The following LCMT1 variants were observed in gnomAD, a reference collection of about 807,000 sequenced individuals.
The protein encoded by LCMT1 is [Phosphatase 2A protein]-leucine-carboxy methyltransferase 1.
A neutral mutation model predicts 47.7 loss-of-function variants in LCMT1; 32 were observed. The ratio of observed to expected loss-of-function variants is 0.67; its 90% CI spans 0.51 to 0.90. LCMT1 has a LOEUF of 0.90. Among genes scored for constraint, LCMT1 ranks in the 40% least tolerant of loss-of-function variants. The pLI, the probability that LCMT1 is intolerant of heterozygous loss-of-function variation, is 0.00. For missense variants in LCMT1, 375 were observed against 415.2 expected, an observed-to-expected ratio of 0.90 and a Z score of 0.84; for synonymous variants, 152 against 149.7, an observed-to-expected ratio of 1.02 and a Z score of -0.11.
intron 7 of LCMT1, among the ~76,000 whole-genome samples, chr16:25,166,344 T>G (rs1298519577): frequency 6.6e-6 from 1 of 152,056 alleles, no homozygotes; most frequent in Non-Finnish European, 1.5e-5. Flanking sequence ...TGATGGTCAG[T>G]GGCTTATCAC....
chr16:25,120,457 C>T (rs1431757319), intron 1 of LCMT1, among the ~76,000 whole-genome samples: 2 of 148,516 alleles, frequency 1.3e-5, no homozygotes, highest in Non-Finnish European at 3.0e-5. Context: ...CAGAGTCTCG[C>T]TCTGTCACCC....
rs13338115 is a variant in LCMT1, at chr16:25,158,309, G to A, written c.467-2793G>A. On this transcript the variant is annotated intron_variant, in intron 5 of 10. Transcript: ENST00000399069. ...TGGCATTACAGGTGTGCACCACCAC[G>A]CCTGGCTAATTTTGTATTTTTAGTA... Among the ~76,000 whole-genome samples, 1,192 of 152,294 alleles carry A rather than the reference G, an allele frequency of 7.8e-3. 24 individuals are homozygous for A. The highest frequency in any genetic ancestry group is 0.027 in the African/African-American group (1,105 of 41,562).
intron 6 of LCMT1, among the ~76,000 whole-genome samples, chr16:25,164,009 C>T (rs1308665109): frequency 6.6e-6 from 1 of 152,088 alleles, no homozygotes; most frequent in Non-Finnish European, 1.5e-5. Flanking sequence ...GTCAGGTGGA[C>T]AGTGGGCAGG....
At chr16:25,120,825 G>T (rs1294223479) in intron 1 of LCMT1, among the ~76,000 whole-genome samples, 1 of 142,234 alleles carries the variant, frequency 7.0e-6, no homozygotes, top group African/African-American at 2.6e-5. Context: ...ACAGCTTACT[G>T]CAGCGTTTAC....
chr16:25,173,321 C>T (rs1012943944), intron 9 of LCMT1, among the ~76,000 whole-genome samples: 40 of 151,430 alleles, frequency 2.6e-4, no homozygotes, highest in Admixed American at 1.6e-3. Context: ...AATAACCATC[C>T]TGGAGCCTTC....
At chr16:25,144,136 CAGG>C (rs1960779177) in intron 4 of LCMT1, 1 of 152,272 alleles carries the variant, frequency 6.6e-6, no homozygotes, top group Non-Finnish European at 1.5e-5. Flanking sequence ...GTGCCGCTTC[CAGG>C]AGAAGTTGGA....
intron 7 of LCMT1, among the ~76,000 whole-genome samples, chr16:25,167,381 C>T (rs1023523896): frequency 5.9e-5 from 9 of 151,320 alleles, no homozygotes; most frequent in African/African-American, 1.7e-4. Flanking sequence ...ACAGTGGTGC[C>T]GTCATAGCTC....
chr16:25,134,412 T>C (rs897003631), intron 3 of LCMT1, among the ~76,000 whole-genome samples: 2 of 152,194 alleles, frequency 1.3e-5, no homozygotes, highest in East Asian at 1.9e-4. Context: ...TTTACACAGA[T>C]GAGGGAAATG....
intron 9 of LCMT1, among the ~76,000 whole-genome samples, chr16:25,174,131 C>T (rs926598805): frequency 4.6e-5 from 7 of 152,082 alleles, no homozygotes; most frequent in Admixed American, 2.0e-4. Context: ...AGGCTGGTCT[C>T]GAACTCCTGA....
chr16:25,163,054 G>C (rs895778687), intron 6 of LCMT1, among the ~76,000 whole-genome samples: 1 of 152,146 alleles, frequency 6.6e-6, no homozygotes, highest in African/African-American at 2.4e-5. Flanking sequence ...TAGAGACAAG[G>C]TTTCACCATA....
At chr16:25,161,080 T>C in intron 5 of LCMT1, 22 bp from the exon 6 acceptor site, 1 of 1,435,630 alleles carries the variant, frequency 7.0e-7, no homozygotes, top group Non-Finnish European at 9.7e-7. Flanking sequence ...ATTAAAATTA[T>C]AGCCTCTGAT....
chr16:25,151,782 AGCTT>A (rs1961090846), intron 5 of LCMT1, among the ~76,000 whole-genome samples, 167 bp downstream of exon 5: 1 of 151,630 alleles, frequency 6.6e-6, no homozygotes, highest in Non-Finnish European at 1.5e-5. Context: ...AGGAAAGGAG[AGCTT>A]GCTTTCTCAG....
chr16:25,137,935 G>A lies in LCMT1; in HGVS notation c.328-2236G>A, dbSNP rs1269087170. Among the ~76,000 whole-genome samples, 5 of 149,762 alleles carry A rather than the reference G, an allele frequency of 3.3e-5. No homozygotes were observed. The East Asian group carries it at 5.8e-4, about 17-fold the overall frequency. Reference sequence around the variant, plus strand: ...CTGTCCACAGGAGGTCTGCTATGCCGCACTCACCCCCCCGGGATTCATCTG... The same window carrying A: ...CTGTCCACAGGAGGTCTGCTATGCCACACTCACCCCCCCGGGATTCATCTG... On this transcript the variant is annotated intron_variant, in intron 3 of 10. Transcript: ENST00000399069.
intron 5 of LCMT1, among the ~76,000 whole-genome samples, chr16:25,153,952 T>C (rs1961157303): frequency 6.6e-6 from 1 of 152,138 alleles, no homozygotes; most frequent in Non-Finnish European, 1.5e-5. Context: ...GATGAGAGTC[T>C]ATCCAAAAGA....
chr16:25,177,290 A>G (rs1961977640), intron 10 of LCMT1, among the ~76,000 whole-genome samples: 1 of 152,230 alleles, frequency 6.6e-6, no homozygotes, highest in Non-Finnish European at 1.5e-5. Flanking sequence ...AAGTATGACT[A>G]AGAAAATCCA....
rs759138636 is a variant in LCMT1, at chr16:25,132,140, A to G, written c.206-262A>G. On this transcript the variant is annotated intron_variant, in intron 2 of 10. Coordinates refer to ENST00000399069, the MANE Select transcript of LCMT1 (RefSeq NM_016309.3). ...TTTCAATGTAAAACACTTATTTTTC[A>G]TACATAAAACTATAGCTCATTTTTT... The G allele has an allele frequency of 5.8e-6, 3 of 516,470 alleles. No individual in the cohort carries two copies. In the East Asian group the frequency reaches 1.2e-4, roughly 20 times the overall value. 32.0% of individuals were successfully genotyped at this position (516,470 alleles called of 1,614,324 possible).
chr16:25,130,836 G>A (rs1342969206), intron 2 of LCMT1, among the ~76,000 whole-genome samples: 1 of 152,176 alleles, frequency 6.6e-6, no homozygotes, highest in African/African-American at 2.4e-5. Context: ...GTATCTGGAT[G>A]TGCATGTGCC....
chr16:25,111,776 C>G lies in LCMT1; in HGVS notation c.-108C>G, dbSNP rs1010214813. 1.1e-5 allele frequency: 8 copies of G among 756,558 alleles called. No homozygotes were observed. Among genetic ancestry groups the G allele is most frequent in the African/African-American group, 1.7e-5 (1 of 57,954 alleles). The allele number at this position is 756,558 out of a possible 1,614,324, so 46.9% of individuals were successfully genotyped here. A position where few individuals can be genotyped will look rare whatever the true frequency, so the allele number is the denominator to read the frequency against. ...CCGCGCCAGCTGAGCCAGGTAGGGC[C>G]CTACCCTCTTCTGTTGCTTTCTCCC... On this transcript the variant is annotated 5_prime_UTR_variant, in exon 1 of 11. Transcript: ENST00000399069.
At chr16:25,119,977 G>A (rs1362343001) in intron 1 of LCMT1, among the ~76,000 whole-genome samples, 2 of 151,780 alleles carry the variant, frequency 1.3e-5, no homozygotes, top group African/African-American at 2.4e-5. Flanking sequence ...TGGCTAACAC[G>A]GTGAAATCCC....
Sources: allele counts gnomAD v4.1 joint callset (sites outside exome capture counted in the v4.1 genomes callset), GRCh38; gene constraint gnomAD v4.1.1; transcripts MANE v1.5; gene names NCBI Gene and HGNC (gene_info 2026-07-23, HGNC 2026-07-21).